CGNL1: variants seen among roughly 807,000 people sequenced by gnomAD.
The protein encoded by CGNL1 is cingulin like 1, also known as cingulin-like protein 1.
A neutral mutation model predicts 141.2 loss-of-function variants in CGNL1; 132 were observed. The ratio of observed to expected loss-of-function variants is 0.93; its 90% CI spans 0.81 to 1.08. The LOEUF (loss-of-function observed/expected upper bound fraction) is 1.08. Ranked by LOEUF, CGNL1 falls within the 50% of genes least tolerant of loss-of-function variation. The pLI, the probability that CGNL1 is intolerant of heterozygous loss-of-function variation, is 0.00. For synonymous variants in CGNL1, 690 were observed against 622.1 expected (o/e 1.11, Z -1.63); for missense variants, 1,870 against 1,588.6 (o/e 1.18, Z -3.01).
At chr15:57,414,240 C>A (rs1375104336) in intron 1 of CGNL1, among the ~76,000 whole-genome samples, 1 of 152,158 alleles carries the variant, frequency 6.6e-6, no homozygotes. Context: ...GGGCTCCCTG[C>A]ATGTTCCTCA....
At chr15:57,468,586 G>GTA (rs1336127418) in intron 8 of CGNL1, among the ~76,000 whole-genome samples, 4 of 146,788 alleles carry the variant, frequency 2.7e-5, no homozygotes, top group African/African-American at 9.8e-5. Flanking sequence ...GTGTGTGTGT[G>GTA]TGTGTTAAAG....
chr15:57,451,881 C>T (rs747549630), intron 5 of CGNL1, among the ~76,000 whole-genome samples: 2 of 152,104 alleles, frequency 1.3e-5, no homozygotes, highest in South Asian at 2.1e-4. Context: ...GTATATAAAA[C>T]ATCTGAACTA....
chr15:57,447,208 T>A (rs529632040), intron 4 of CGNL1, among the ~76,000 whole-genome samples: 116 of 152,334 alleles, frequency 7.6e-4, no homozygotes, highest in African/African-American at 2.2e-3. Flanking sequence ...TCATTTTTGT[T>A]AGAGAGGTCT....
chr15:57,398,291 C>T (rs908190569), intron 1 of CGNL1: 1 of 151,676 alleles, frequency 6.6e-6, no homozygotes, highest in East Asian at 1.9e-4. Context: ...CTTTTCTTTC[C>T]TTTTTTGTTT....
chr15:57,491,117 A>G (rs1417432630), intron 8 of CGNL1, among the ~76,000 whole-genome samples: 1 of 152,190 alleles, frequency 6.6e-6, no homozygotes. Context: ...AGCTGAATAA[A>G]GTATGGACTT....
intron 8 of CGNL1, among the ~76,000 whole-genome samples, chr15:57,496,295 C>G (rs1390013320): frequency 6.6e-6 from 1 of 152,132 alleles, no homozygotes; most frequent in Non-Finnish European, 1.5e-5. Flanking sequence ...TGTGCTTGAC[C>G]TGATATTTGG....
chr15:57,426,197 T>C (rs1214801826), intron 1 of CGNL1, among the ~76,000 whole-genome samples: 1 of 151,676 alleles, frequency 6.6e-6, no homozygotes, highest in Non-Finnish European at 1.5e-5. Context: ...CAGACTGGAG[T>C]ACAGGGGCAT....
chr15:57,469,425 G>A (rs2063552177), intron 8 of CGNL1, among the ~76,000 whole-genome samples: 1 of 150,646 alleles, frequency 6.6e-6, no homozygotes, highest in Non-Finnish European at 1.5e-5. Flanking sequence ...AGCGAAGGGG[G>A]CCGAGGGCCT....
intron 1 of CGNL1, among the ~76,000 whole-genome samples, chr15:57,431,250 G>A (rs1343875996): frequency 6.6e-6 from 1 of 152,168 alleles, no homozygotes; most frequent in African/African-American, 2.4e-5. Context: ...GTGTGAAACA[G>A]AGAGCAACTC....
chr15:57,418,268 G>T (rs1039132497), intron 1 of CGNL1, among the ~76,000 whole-genome samples: 23 of 152,172 alleles, frequency 1.5e-4, no homozygotes, highest in Non-Finnish European at 2.8e-4. Flanking sequence ...TGCCACTGTG[G>T]CTTCCTATGG....
chr15:57,539,167 A>G (rs988457955), intron 14 of CGNL1, among the ~76,000 whole-genome samples: 1 of 151,926 alleles, frequency 6.6e-6, no homozygotes, highest in Non-Finnish European at 1.5e-5. Flanking sequence ...TTTCAGGCGC[A>G]CACTCCACAG....
intron 1 of CGNL1, among the ~76,000 whole-genome samples, chr15:57,423,783 T>C (rs1869402485): frequency 6.6e-6 from 1 of 152,216 alleles, no homozygotes; most frequent in African/African-American, 2.4e-5. Context: ...CTTCTTAGTG[T>C]TGGCCTGCTA....
intron 7 of CGNL1, among the ~76,000 whole-genome samples, chr15:57,456,583 C>G (rs1229348953): frequency 2.0e-5 from 3 of 148,958 alleles, no homozygotes; most frequent in Non-Finnish European, 3.0e-5. Flanking sequence ...AATTGACCAA[C>G]AAAGGGTTGA....
At chr15:57,441,337 G>C (rs2063184620) in intron 3 of CGNL1, among the ~76,000 whole-genome samples, 1 of 152,014 alleles carries the variant, frequency 6.6e-6, no homozygotes, top group South Asian at 2.1e-4. Flanking sequence ...TTAAGATTAA[G>C]GTAGAAGAAA....
At chr15:57,462,699 C>A (rs1486343039) in intron 8 of CGNL1, among the ~76,000 whole-genome samples, 3 of 152,112 alleles carry the variant, frequency 2.0e-5, no homozygotes, top group Non-Finnish European at 4.4e-5. Flanking sequence ...GCCCTCTCTC[C>A]CCTAAGCCCT....
intron 1 of CGNL1, chr15:57,407,315 T>A (rs192044778): frequency 6.6e-6 from 1 of 152,318 alleles, no homozygotes. Context: ...ATTTTGTGAA[T>A]TACTTCTATT....
At chr15:57,404,975 A>T (rs188306166) in intron 1 of CGNL1, 1 of 152,334 alleles carries the variant, frequency 6.6e-6, no homozygotes, top group East Asian at 1.9e-4. Flanking sequence ...CTTACCTGTA[A>T]AATGGGAATG....
intron 1 of CGNL1, among the ~76,000 whole-genome samples, chr15:57,391,962 A>C (rs1373268402): frequency 9.9e-6 from 1 of 101,004 alleles, no homozygotes; most frequent in African/African-American, 3.0e-5. Flanking sequence ...AAACACCTTC[A>C]CATTTTTCTT....
chr15:57,442,278 C>A, intron 3 of CGNL1, 95 bp from the exon 4 acceptor site: 2 of 600,512 alleles, frequency 3.3e-6, no homozygotes, highest in East Asian at 3.8e-5. Context: ...AAATTATCTC[C>A]TTAAAGGACC....
Sources: allele counts gnomAD v4.1 joint callset (sites outside exome capture counted in the v4.1 genomes callset), GRCh38; gene constraint gnomAD v4.1.1; transcripts MANE v1.5; gene names NCBI Gene and HGNC (gene_info 2026-07-23, HGNC 2026-07-21).